Variants in PPP1R1C observed in about 807,000 individuals in gnomAD.
The protein encoded by PPP1R1C is protein phosphatase 1 regulatory inhibitor subunit 1C, also known as protein phosphatase 1 regulatory subunit 1C.
Under a neutral mutation model 17.4 loss-of-function variants are expected in PPP1R1C, and 15 were observed. The observed-to-expected ratio is 0.86, with a 90% confidence interval of 0.58 to 1.33. The LOEUF (loss-of-function observed/expected upper bound fraction) is 1.33, where lower values mean the gene tolerates loss of function less well. PPP1R1C is among the 40% of genes most tolerant of loss of function. The pLI, the probability that PPP1R1C is intolerant of heterozygous loss-of-function variation, is 0.00. For missense variants in PPP1R1C, 143 were observed against 130.0 expected, an observed-to-expected ratio of 1.10 and a Z score of -0.48; for synonymous variants, 35 against 43.1, an observed-to-expected ratio of 0.81 and a Z score of 0.73.
chr2:182,106,246 T>C (rs1286822723), intron 4 of PPP1R1C, among the ~76,000 whole-genome samples: 3 of 152,126 alleles, frequency 2.0e-5, no homozygotes, highest in African/African-American at 7.2e-5. Flanking sequence ...GGACAGGCAC[T>C]CCTGCTTTCA....
chr2:181,958,436 C>T (rs1684705728), intron 1 of PPP1R1C, among the ~76,000 whole-genome samples: 2 of 152,118 alleles, frequency 1.3e-5, no homozygotes, highest in Admixed American at 1.3e-4. Flanking sequence ...AATACAAAAG[C>T]TGGGGATGGG....
At chr2:181,968,041 T>C (rs1220717615) in intron 1 of PPP1R1C, among the ~76,000 whole-genome samples, 1 of 152,236 alleles carries the variant, frequency 6.6e-6, no homozygotes, top group African/African-American at 2.4e-5. Flanking sequence ...TTTTACTCCA[T>C]TGTGATCAGA....
At chr2:182,046,949 C>T (rs958039219) in intron 2 of PPP1R1C, among the ~76,000 whole-genome samples, 7 of 151,918 alleles carry the variant, frequency 4.6e-5, no homozygotes, top group African/African-American at 1.7e-4. Flanking sequence ...TCAATGTTAG[C>T]GACCTATGTG....
intron 2 of PPP1R1C, among the ~76,000 whole-genome samples, chr2:182,008,761 A>G (rs1397096598): frequency 6.6e-6 from 1 of 152,176 alleles, no homozygotes; most frequent in Non-Finnish European, 1.5e-5. Flanking sequence ...ATCAAATACT[A>G]GCTCTTATTC....
At chr2:182,114,340 G>A (rs1165399686) in intron 4 of PPP1R1C, among the ~76,000 whole-genome samples, 2 of 152,108 alleles carry the variant, frequency 1.3e-5, no homozygotes, top group Non-Finnish European at 2.9e-5. Flanking sequence ...AACATCCCCA[G>A]ACCAATTCAT....
intron 4 of PPP1R1C, among the ~76,000 whole-genome samples, chr2:182,066,882 C>T (rs192621419): frequency 6.0e-4 from 91 of 151,960 alleles, no homozygotes; most frequent in African/African-American, 1.8e-3. Flanking sequence ...ATCATGTTTT[C>T]AGAAAAGTGG....
In PPP1R1C at chr2:181,961,709, C is replaced by T. The variant is rs1331778876; in HGVS notation, n.111+7075C>T. Reference sequence around the variant, plus strand: ...TCCTCTCAGTTCTTTCGAGTCAGCTCATCATATTGGGCCCGGATATCTGCT... The same window carrying T: ...TCCTCTCAGTTCTTTCGAGTCAGCTTATCATATTGGGCCCGGATATCTGCT... On this transcript the variant is annotated intron_variant and non_coding_transcript_variant, in intron 1 of 5. Transcript: ENST00000464264. This position sits in a 1 kb window ranked among gnomAD's most constrained non-coding sequence, Gnocchi z 5.8. 2.5e-6 allele frequency: 2 copies of T among 806,868 alleles called. No homozygotes were observed. The highest frequency in any genetic ancestry group is 1.3e-5 in the South Asian group (1 of 74,170). 50.0% of individuals were successfully genotyped at this position (806,868 alleles called of 1,614,324 possible).
chr2:182,086,941 A>C (rs1245621373), intron 4 of PPP1R1C, among the ~76,000 whole-genome samples: 4 of 151,786 alleles, frequency 2.6e-5, no homozygotes, highest in African/African-American at 9.7e-5. Context: ...CAAAAAAAAA[A>C]ACAAAAACAC....
intron 4 of PPP1R1C, among the ~76,000 whole-genome samples, chr2:182,076,608 C>G (rs1371583654): frequency 6.6e-6 from 1 of 151,738 alleles, no homozygotes; most frequent in Admixed American, 6.6e-5. Flanking sequence ...ATCAGAACCC[C>G]CCCACCCCAA....
chr2:182,080,395 G>A (rs558895180), intron 4 of PPP1R1C, among the ~76,000 whole-genome samples: 1 of 152,150 alleles, frequency 6.6e-6, no homozygotes, highest in South Asian at 2.1e-4. Flanking sequence ...TAACGACTTC[G>A]TCTTCTTTGT....
intron 2 of PPP1R1C, among the ~76,000 whole-genome samples, chr2:182,014,866 A>G (rs115514596): frequency 0.021 from 3,199 of 151,876 alleles, 103 homozygotes; most frequent in African/African-American, 0.073. Context: ...GCTACCACCA[A>G]TGTTCACTCA....
chr2:182,004,418 A>G (rs1685855191), intron 2 of PPP1R1C, among the ~76,000 whole-genome samples: 2 of 152,154 alleles, frequency 1.3e-5, no homozygotes, highest in South Asian at 2.1e-4. Flanking sequence ...GAAATATAGG[A>G]TGGTTTAAAA....
At chr2:182,039,474 T>A (rs1687115686) in intron 2 of PPP1R1C, among the ~76,000 whole-genome samples, 1 of 152,136 alleles carries the variant, frequency 6.6e-6, no homozygotes, top group South Asian at 2.1e-4. Flanking sequence ...AGCCTTGACC[T>A]CCCCGACTCA....
upstream of PPP1R1C, chr2:181,985,760 G>T: frequency 1.0e-5 from 3 of 294,258 alleles, no homozygotes; most frequent in South Asian, 5.2e-5. The surrounding 1 kb of genome is among the most constrained non-coding windows in gnomAD (Gnocchi z 4.1). Flanking sequence ...AAATCCCAGG[G>T]CAGTGGGTCC....
chr2:182,047,092 GTCATCATCAT>G (rs1218610862), intron 2 of PPP1R1C, among the ~76,000 whole-genome samples: 3 of 152,092 alleles, frequency 2.0e-5, no homozygotes, highest in Non-Finnish European at 4.4e-5. Context: ...AAAATTTCCT[GTCATCATCAT>G]TCAAATTGTT....
chr2:182,062,624 C>G (rs1052584065), intron 3 of PPP1R1C, among the ~76,000 whole-genome samples: 1 of 152,050 alleles, frequency 6.6e-6, no homozygotes, highest in African/African-American at 2.4e-5. Context: ...GATTTGGTAA[C>G]TGTTTTGTTG....
chr2:182,063,876 T>C, intron 4 of PPP1R1C, 85 bp downstream of exon 4: 3 of 971,670 alleles, frequency 3.1e-6, no homozygotes, highest in Non-Finnish European at 3.4e-6. Context: ...ACATATCTGA[T>C]GATAAGCTAG....
At chr2:182,105,001 C>G (rs551335955) in intron 4 of PPP1R1C, among the ~76,000 whole-genome samples, 1 of 150,944 alleles carries the variant, frequency 6.6e-6, no homozygotes, top group Admixed American at 6.6e-5. Flanking sequence ...AAGAAACTGA[C>G]AATGCAAAAG....
At chr2:182,121,312 A>G (rs1201828768), downstream of PPP1R1C, among the ~76,000 whole-genome samples, 1 of 152,076 alleles carries the variant, frequency 6.6e-6, no homozygotes, top group African/African-American at 2.4e-5. Context: ...CTTAAATGAG[A>G]TAAGACCTAT....
Sources: allele counts gnomAD v4.1 joint callset (sites outside exome capture counted in the v4.1 genomes callset), GRCh38; gene constraint gnomAD v4.1.1; non-coding constraint Gnocchi (gnomAD v3.1); transcripts MANE v1.5; gene names NCBI Gene and HGNC (gene_info 2026-07-23, HGNC 2026-07-21).